Variants in OASL observed in about 807,000 individuals in gnomAD.
OASL encodes 2'-5'-oligoadenylate synthetase like, also known as 2'-5'-oligoadenylate synthase-like protein.
OASL carries 28 observed loss-of-function variants against 35.3 expected under a neutral mutation model. The ratio of observed to expected loss-of-function variants is 0.79; its 90% CI spans 0.59 to 1.09. The LOEUF (loss-of-function observed/expected upper bound fraction) is 1.09. Ranked by LOEUF, OASL falls within the 50% of genes least tolerant of loss-of-function variation. The probability of loss-of-function intolerance (pLI) is 0.00; values close to 1 mark genes in which losing one functional copy is unlikely to be tolerated. For missense variants in OASL, 620 were observed against 635.2 expected (o/e 0.98, Z 0.26); for synonymous variants, 252 against 254.6 (o/e 0.99, Z 0.10).
At chr12:121,033,377 C>T (rs2135913717) in intron 2 of OASL, 84 bp downstream of exon 2, 7 of 1,381,484 alleles carry the variant, frequency 5.1e-6, no homozygotes, top group Middle Eastern at 2.1e-4. Context: ...GGTGTGTGCA[C>T]GTGGCCATGA....
chr12:121,027,810 T>C (rs1469744310), exon 4 of OASL: 2 of 1,613,454 alleles, frequency 1.2e-6, no homozygotes, highest in East Asian at 4.5e-5. Context: ...GGACCTGGCT[T>C]TCACATACTG....
chr12:121,027,724 C>T, exon 4 of OASL: 1 of 1,614,206 alleles, frequency 6.2e-7, no homozygotes, highest in Non-Finnish European at 8.5e-7. Flanking sequence ...AAATTCTCGT[C>T]TTCTTCAGTA....
intron 4 of OASL, among the ~76,000 whole-genome samples, chr12:121,026,080 T>G (rs1050809959): frequency 1.3e-4 from 20 of 152,230 alleles, no homozygotes; most frequent in Non-Finnish European, 1.0e-4. Flanking sequence ...GGTTTGGACA[T>G]GGGGATGATG....
At chr12:121,018,330 T>C (rs539490122), downstream of OASL, among the ~76,000 whole-genome samples, 2 of 152,206 alleles carry the variant, frequency 1.3e-5, no homozygotes, top group South Asian at 4.2e-4. Flanking sequence ...ACCGCTACAT[T>C]GTACCCGGAT....
chr12:121,033,637 T>A (rs1270570614), exon 2 of OASL: 2 of 1,614,192 alleles, frequency 1.2e-6, no homozygotes, highest in South Asian at 2.2e-5. Flanking sequence ...CAGAACATCT[T>A]TGTGATGCTT....
exon 6 of OASL, chr12:121,020,858 A>G: frequency 1.9e-6 from 3 of 1,614,170 alleles, no homozygotes; most frequent in Non-Finnish European, 1.7e-6. Context: ...AGAAGATCCC[A>G]TATTTGGCTA....
At chr12:121,038,087 T>TAA (rs571751942) in intron 1 of OASL, among the ~76,000 whole-genome samples, 22,453 of 141,708 alleles carry the variant, frequency 0.16, 2,135 homozygotes, top group Non-Finnish European at 0.23. Flanking sequence ...ACCCTGTCTC[T>TAA]AAAAAAAAAA....
chr12:121,033,873 T>G, intron 1 of OASL, 130 bp from the exon 2 acceptor site: 4 of 874,630 alleles, frequency 4.6e-6, no homozygotes, highest in Non-Finnish European at 7.0e-6. Context: ...GTAGTACTAA[T>G]ACCCACACTT....
intron 3 of OASL, 55 bp from the exon 4 acceptor site, chr12:121,027,872 G>T (rs1869557158): frequency 2.7e-6 from 4 of 1,488,590 alleles, no homozygotes; most frequent in Non-Finnish European, 3.7e-6. Context: ...TCTGTGTAAG[G>T]ATGGCGTTGG....
chr12:121,024,268 A>C (rs1323194091), intron 4 of OASL, 131 bp from the exon 5 acceptor site: 18 of 962,108 alleles, frequency 1.9e-5, no homozygotes, highest in Non-Finnish European at 2.7e-5. Context: ...GATGTTCAAG[A>C]GGGCCCCAAA....
At chr12:121,021,168 A>G in intron 5 of OASL, 110 bp from the exon 6 acceptor site, 1 of 1,182,710 alleles carries the variant, frequency 8.5e-7, no homozygotes, top group Non-Finnish European at 1.2e-6. Flanking sequence ...CAGCAGCGGC[A>G]GCAGCAAATG....
At chr12:121,018,869 C>CAAAA (rs1158102389), downstream of OASL, among the ~76,000 whole-genome samples, 257 of 54,330 alleles carry the variant, frequency 4.7e-3, no homozygotes, top group East Asian at 6.1e-3. Flanking sequence ...GACTCCATCT[C>CAAAA]AAAAAAAAAA....
At chr12:121,029,216 T>G (rs996741090) in intron 3 of OASL, among the ~76,000 whole-genome samples, 1 of 151,320 alleles carries the variant, frequency 6.6e-6, no homozygotes, top group Non-Finnish European at 1.5e-5. Flanking sequence ...TTAGCTCCCA[T>G]CCCAAAGTCA....
At chr12:121,033,017 C>T (rs955679836) in intron 2 of OASL, among the ~76,000 whole-genome samples, 1 of 152,108 alleles carries the variant, frequency 6.6e-6, no homozygotes, top group Non-Finnish European at 1.5e-5. Context: ...CCTCCGCCTC[C>T]TGGGTTCAAG....
At chr12:121,022,609 G>A (rs1226426578) in intron 5 of OASL, among the ~76,000 whole-genome samples, 4 of 152,164 alleles carry the variant, frequency 2.6e-5, no homozygotes, top group South Asian at 2.1e-4. Flanking sequence ...GGGTCCCCCC[G>A]TTTATACTCT....
chr12:121,019,892 T>G (rs1869162117), exon 6 of OASL: 3 of 152,166 alleles, frequency 2.0e-5, no homozygotes, highest in Admixed American at 2.0e-4. Context: ...TTATTTGGGT[T>G]TCTTGGGTTG....
rs755331861 is a variant in OASL at position 121,020,841 on chromosome 12, G to A, written c.1265C>T (p.Thr422Ile). ...GATGGTCTCCAGCAGATAGATGTGA[G>A]TGTGGGAGAAGATCCCATATTTGGC... The change falls in exon 6 of 6, where the codon ACT becomes ATT. Residue 422 changes from threonine (T) to isoleucine (I), a missense_variant. By Grantham distance (89) the Thr-to-Ile change is moderately conservative. Coordinates refer to ENST00000257570, the Ensembl canonical transcript of OASL. 3.7e-6 allele frequency: 6 copies of A among 1,614,222 alleles called. No individual in the cohort carries two copies. In the East Asian group the frequency reaches 1.3e-4, roughly 36 times the overall value.
At position 121,037,790 on chromosome 12, in the gene OASL, C is replaced by A. The variant is rs1173780356; in HGVS notation, c.198+984G>T. Among the ~76,000 whole-genome samples, 242 of 139,486 alleles carry A rather than the reference C, an allele frequency of 1.7e-3. 1 individual carries two copies. The highest frequency in any genetic ancestry group is 5.5e-3 in the African/African-American group (203 of 37,170). The allele number at this position is 139,486 out of a possible 152,430, so 91.5% of individuals were successfully genotyped here. On this transcript the variant is annotated intron_variant, in intron 1 of 5. Transcript: ENST00000257570. ...TGTCTCAAAAAAAAAAAAACAAAAA[C>A]AAAAATCATTTTATTGGCCGGCCAG...
rs557642947 is a variant in OASL, at chr12:121,027,829, G to T, written c.658-12C>A. On this transcript the variant is annotated splice_polypyrimidine_tract_variant and intron_variant, in intron 3 of 5. Transcript: ENST00000257570. ...CTGGCTTTCACATACTGTTGAAAGAGATGGGAAGACAGAGAGAGAGAGACC... is the reference window on the plus strand; with the variant it reads ...CTGGCTTTCACATACTGTTGAAAGATATGGGAAGACAGAGAGAGAGAGACC... The T allele has an allele frequency of 3.7e-6, 6 of 1,608,420 alleles. No homozygotes were observed. In the African/African-American group the frequency reaches 8.0e-5, roughly 21 times the overall value.
Sources: allele counts gnomAD v4.1 joint callset (sites outside exome capture counted in the v4.1 genomes callset), GRCh38; gene constraint gnomAD v4.1.1; transcripts MANE v1.5; gene names NCBI Gene and HGNC (gene_info 2026-07-23, HGNC 2026-07-21).